Variants in DAB2IP observed in about 807,000 individuals in gnomAD.
The protein encoded by DAB2IP is disabled homolog 2-interacting protein.
Under a neutral mutation model 107.2 loss-of-function variants are expected in DAB2IP, and 28 were observed. The observed-to-expected ratio is 0.26, with a 90% CI of 0.19 to 0.36. The LOEUF is 0.36. DAB2IP is among the 10% of genes least tolerant of loss of function. The pLI, the probability that DAB2IP is intolerant of heterozygous loss-of-function variation, is 1.00. For synonymous variants in DAB2IP, 755 were observed against 706.4 expected, an observed-to-expected ratio of 1.07 and a Z score of -1.09; for missense variants, 1,400 against 1,644.7, an observed-to-expected ratio of 0.85 and a Z score of 2.57.
At chr9:121,719,093 C>T (rs1296488509) in intron 3 of DAB2IP, among the ~76,000 whole-genome samples, 2 of 152,240 alleles carry the variant, frequency 1.3e-5, no homozygotes, top group East Asian at 3.8e-4. Context: ...CATAGCTCCT[C>T]AGAACCTCCG....
intron 1 of DAB2IP, among the ~76,000 whole-genome samples, chr9:121,593,711 A>G (rs1830465038): frequency 7.5e-6 from 1 of 133,868 alleles, no homozygotes; most frequent in African/African-American, 2.9e-5. Context: ...TCTGTTGCCC[A>G]GGCTGGAGTG....
At chr9:121,697,122 G>A (rs1358634680) in intron 2 of DAB2IP, among the ~76,000 whole-genome samples, 3 of 152,176 alleles carry the variant, frequency 2.0e-5, no homozygotes, top group Admixed American at 6.5e-5. Context: ...GGAACATTAA[G>A]TAGAGTCACA....
rs181067990 is a variant in DAB2IP at position 121,632,434 on chromosome 9, G to C, written c.41-46244G>C. ...GGCCAAGTCTGAAGTTTCAGATCAG[G>C]ACCAAAGCCCGGGTCTCTGCAGCTG... On this transcript the variant is annotated intron_variant, in intron 1 of 16. Coordinates refer to the DAB2IP transcript ENST00000259371. Among the ~76,000 whole-genome samples the C allele has an allele frequency of 1.4e-3, 218 of 152,262 alleles. 1 individual carries two copies. The highest frequency in any genetic ancestry group is 5.1e-3 in the African/African-American group (210 of 41,530).
At position 121,609,196 on chromosome 9, in the gene DAB2IP, C is replaced by T. The variant is rs1473613318; in HGVS notation, c.40+41968C>T. On this transcript the variant is annotated intron_variant, in intron 1 of 16. Coordinates refer to the DAB2IP transcript ENST00000259371. ...CCGACCTCAGGTGCTCCGTCCGCCTCGAACTCCCAAAGTGCTGTGATTACA... is the reference window on the plus strand; with the variant it reads ...CCGACCTCAGGTGCTCCGTCCGCCTTGAACTCCCAAAGTGCTGTGATTACA... Among the ~76,000 whole-genome samples the T allele has an allele frequency of 2.0e-5, 3 of 152,180 alleles. No individual in the cohort carries two copies. The East Asian group carries it at 5.8e-4, about 29-fold the overall frequency.
At chr9:121,575,790 G>C (rs1003288105) in intron 1 of DAB2IP, among the ~76,000 whole-genome samples, 4 of 152,098 alleles carry the variant, frequency 2.6e-5, no homozygotes, top group Non-Finnish European at 5.9e-5. Flanking sequence ...GCCCACCCTG[G>C]GCCTTCCAAA....
exon 16 of DAB2IP, chr9:121,783,423 T>C (rs1432761699): frequency 5.6e-6 from 9 of 1,604,548 alleles, no homozygotes; most frequent in African/African-American, 1.3e-5. Context: ...TGCCACCTGG[T>C]GCTCACCCTG....
chr9:121,569,512 T>C (rs986734151), intron 1 of DAB2IP, among the ~76,000 whole-genome samples: 4 of 152,172 alleles, frequency 2.6e-5, no homozygotes, highest in Non-Finnish European at 5.9e-5. Flanking sequence ...ACAACAAAGA[T>C]TTCAGAAACA....
chr9:121,589,635 C>T (rs1830383379), intron 1 of DAB2IP, among the ~76,000 whole-genome samples: 2 of 152,222 alleles, frequency 1.3e-5, no homozygotes, highest in Admixed American at 6.5e-5. Context: ...TGTCTCTTCC[C>T]CCTGCATCTG....
chr9:121,668,380 C>T (rs191731228), intron 1 of DAB2IP, among the ~76,000 whole-genome samples: 35 of 151,846 alleles, frequency 2.3e-4, no homozygotes, highest in African/African-American at 6.1e-4. Context: ...TAGGATGACA[C>T]GCATGCATTA....
chr9:121,578,546 C>T (rs1476468544), intron 1 of DAB2IP, among the ~76,000 whole-genome samples: 5 of 151,788 alleles, frequency 3.3e-5, no homozygotes, highest in South Asian at 2.1e-4. Context: ...CCTCTCCCTC[C>T]GTCAATTCCC....
chr9:121,612,811 T>C (rs906198716), intron 1 of DAB2IP, among the ~76,000 whole-genome samples: 1 of 152,196 alleles, frequency 6.6e-6, no homozygotes, highest in Non-Finnish European at 1.5e-5. Flanking sequence ...GAAGAAAGGC[T>C]AGAGCCAGGC....
At chr9:121,680,743 CTTTTTT>C (rs78934765) in intron 2 of DAB2IP, among the ~76,000 whole-genome samples, 1 of 143,844 alleles carries the variant, frequency 7.0e-6, no homozygotes, top group African/African-American at 2.5e-5. Flanking sequence ...TTTTTTTTTT[CTTTTTT>C]TTTTTTTTTT....
intron 1 of DAB2IP, among the ~76,000 whole-genome samples, chr9:121,597,917 G>C (rs756609184): frequency 9.2e-5 from 14 of 152,174 alleles, no homozygotes; most frequent in Non-Finnish European, 1.8e-4. Context: ...AGTGATGACC[G>C]TGCCAGCTTC....
intron 3 of DAB2IP, among the ~76,000 whole-genome samples, chr9:121,747,342 G>GC (rs1174912991): frequency 1.5e-5 from 2 of 129,658 alleles, no homozygotes; most frequent in Admixed American, 7.5e-5. Context: ...TTCCTTAGAT[G>GC]CTTTTTTTTT....
chr9:121,709,333 T>A (rs1360634412), intron 3 of DAB2IP, among the ~76,000 whole-genome samples: 3 of 152,116 alleles, frequency 2.0e-5, no homozygotes, highest in Non-Finnish European at 4.4e-5. Context: ...GCTCTGTTCA[T>A]GGCAAGCTGC....
intron 1 of DAB2IP, among the ~76,000 whole-genome samples, chr9:121,630,232 C>G: frequency 6.6e-6 from 1 of 152,154 alleles, no homozygotes; most frequent in Non-Finnish European, 1.5e-5. Flanking sequence ...ATCTTGTTCT[C>G]TAAGGCATTA....
Position 121,782,034 on chromosome 9 carries a change from C to G in DAB2IP, c.3403-297C>G, listed in dbSNP as rs1253727120. On this transcript the variant is annotated intron_variant, in intron 15 of 15. Coordinates refer to ENST00000408936, the Ensembl canonical transcript of DAB2IP. The surrounding 1 kb of genome is among the most constrained non-coding windows in gnomAD (Gnocchi z 6.1). The stretch of plus-strand genomic sequence containing the variant: ...GGCTGTAAACTGCACAGACCAGGAG[C>G]TGTGACCTCTGGTGTGTCATGCACA... Among the ~76,000 whole-genome samples, 4 of 152,188 alleles carry G rather than the reference C, an allele frequency of 2.6e-5. No homozygotes were observed. Among genetic ancestry groups the G allele is most frequent in the Admixed American group, 2.6e-4 (4 of 15,282 alleles).
rs1189031607 is a variant in DAB2IP at position 121,736,004 on chromosome 9, G to A, written c.363-21009G>A. Among the ~76,000 whole-genome samples, 3 of 152,186 alleles carry A rather than the reference G, an allele frequency of 2.0e-5. No homozygotes were observed. Among genetic ancestry groups the A allele is most frequent in the Non-Finnish European group, 2.9e-5 (2 of 68,036 alleles). On this transcript the variant is annotated intron_variant, in intron 3 of 15. Coordinates refer to ENST00000408936, the Ensembl canonical transcript of DAB2IP. This position sits in a 1 kb window ranked among gnomAD's most constrained non-coding sequence, Gnocchi z 4.6. ...CCCGACCTTTCCCTTCTGTCCTGCC[G>A]GACTAGCCGGGTGCTTTCCAGAAGA...
intron 1 of DAB2IP, among the ~76,000 whole-genome samples, chr9:121,585,637 G>A (rs753951842): frequency 5.9e-5 from 9 of 152,092 alleles, no homozygotes; most frequent in Non-Finnish European, 8.8e-5. Context: ...CAGACAGATC[G>A]CTTTGAGCTC....
Sources: allele counts gnomAD v4.1 joint callset (sites outside exome capture counted in the v4.1 genomes callset), GRCh38; gene constraint gnomAD v4.1.1; non-coding constraint Gnocchi (gnomAD v3.1); transcripts MANE v1.5; gene names NCBI Gene and HGNC (gene_info 2026-07-23, HGNC 2026-07-21).